Variants in SEMA6D observed in about 807,000 individuals in gnomAD.
SEMA6D encodes the protein semaphorin 6D.
A neutral mutation model predicts 106.6 loss-of-function variants in SEMA6D; 35 were observed. The ratio of observed to expected loss-of-function variants is 0.33; its 90% CI spans 0.25 to 0.44. The LOEUF is 0.44. SEMA6D is among the 20% of genes least tolerant of loss of function. The pLI, the probability that SEMA6D is intolerant of heterozygous loss-of-function variation, is 1.00. For synonymous variants in SEMA6D, 499 were observed against 487.7 expected, an observed-to-expected ratio of 1.02 and a Z score of -0.31; for missense variants, 1,185 against 1,345.9, an observed-to-expected ratio of 0.88 and a Z score of 1.87.
At chr15:47,322,984 A>G (rs28397592) in intron 1 of SEMA6D, among the ~76,000 whole-genome samples, 14 of 152,208 alleles carry the variant, frequency 9.2e-5, no homozygotes, top group Non-Finnish European at 1.5e-4. Context: ...TTGTCCATCT[A>G]TGTATCTACC....
chr15:47,326,140 C>T (rs552183473), intron 1 of SEMA6D, among the ~76,000 whole-genome samples: 60 of 152,236 alleles, frequency 3.9e-4, no homozygotes, highest in African/African-American at 1.3e-3. Flanking sequence ...ATTACCGAGA[C>T]GGATTCTCTA....
intron 4 of SEMA6D, among the ~76,000 whole-genome samples, chr15:47,639,106 C>A (rs78386773): frequency 6.6e-6 from 1 of 152,280 alleles, no homozygotes; most frequent in African/African-American, 2.4e-5. Context: ...TACATGCCCT[C>A]TAAGGCTCAA....
intron 2 of SEMA6D, among the ~76,000 whole-genome samples, chr15:47,457,159 C>A (rs916402048): frequency 6.6e-6 from 1 of 151,942 alleles, no homozygotes; most frequent in Non-Finnish European, 1.5e-5. Flanking sequence ...CTGCTCTGGT[C>A]TTCTATAACA....
intron 3 of SEMA6D, among the ~76,000 whole-genome samples, chr15:47,518,655 A>G (rs1351397440): frequency 6.6e-6 from 1 of 152,204 alleles, no homozygotes; most frequent in African/African-American, 2.4e-5. Context: ...TGGATAAAAA[A>G]TGATATACCT....
intron 1 of SEMA6D, among the ~76,000 whole-genome samples, chr15:47,263,083 C>T (rs1262421257): frequency 2.6e-5 from 4 of 152,044 alleles, no homozygotes; most frequent in Admixed American, 2.6e-4. Flanking sequence ...AAACCCAAAA[C>T]TATAAAAACC....
intron 1 of SEMA6D, among the ~76,000 whole-genome samples, chr15:47,397,276 C>A (rs929847238): frequency 1.3e-5 from 2 of 152,120 alleles, no homozygotes; most frequent in Non-Finnish European, 2.9e-5. Flanking sequence ...GCTAGAAATA[C>A]CAATCAGAAA....
intron 4 of SEMA6D, among the ~76,000 whole-genome samples, chr15:47,613,799 C>G (rs532959945): frequency 8.6e-5 from 13 of 152,038 alleles, no homozygotes; most frequent in Non-Finnish European, 1.9e-4. Context: ...GGATTACAGG[C>G]GCCCGCCACC....
chr15:47,290,777 T>C (rs2035564037), intron 1 of SEMA6D, among the ~76,000 whole-genome samples: 1 of 152,162 alleles, frequency 6.6e-6, no homozygotes, highest in South Asian at 2.1e-4. Flanking sequence ...GTTAGTCTTC[T>C]CTCCAATACA....
intron 2 of SEMA6D, among the ~76,000 whole-genome samples, chr15:47,420,773 A>G (rs550406259): frequency 6.6e-5 from 10 of 152,294 alleles, no homozygotes; most frequent in African/African-American, 1.9e-4. Flanking sequence ...CTATGGGACT[A>G]TAATAAAATG....
chr15:47,760,980 A>T lies in SEMA6D; in HGVS notation c.224A>T (p.Asp75Val). The change falls in exon 4 of 19, where the codon GAT becomes GTT. Residue 75 changes from aspartate to valine, a missense_variant and splice_region_variant. Physicochemically the swap from Asp to Val is radical, Grantham distance 152. This residue lies in a region of SEMA6D where 144 missense variants were observed against 138.6 expected (regional missense o/e 1.04). Transcript: ENST00000536845. ...TTTTATTGCCTTATTTCCAACAGGGATCAAGTTTATACAGTAAACTTAAAT... is the reference window on the plus strand; with the variant it reads ...TTTTATTGCCTTATTTCCAACAGGGTTCAAGTTTATACAGTAAACTTAAAT... ...IRDTLYIAGR[D>V]QVYTVNLNEM... The T allele has an allele frequency of 1.2e-6, 2 of 1,612,386 alleles. No homozygotes were observed. The highest frequency in any genetic ancestry group is 1.7e-6 in the Non-Finnish European group (2 of 1,178,988).
rs3050479 is a variant in SEMA6D, at chr15:47,254,331, GTA to G, written c.-239+69934_-239+69935del. 6.0e-4 allele frequency among the ~76,000 whole-genome samples: 83 copies of G among 139,250 alleles called. 1 individual carries two copies. The highest frequency in any genetic ancestry group is 3.8e-3 in the Middle Eastern group (1 of 264). The allele number at this position is 139,250 out of a possible 152,430, so 91.4% of individuals were successfully genotyped here. On this transcript the variant is annotated intron_variant, in intron 1 of 19. Transcript: ENST00000558014. ...TATATGTATATATATGTGTGTGTGTGTATATATATATATATATATATAAATGA... is the reference window on the plus strand; with the variant it reads ...TATATGTATATATATGTGTGTGTGTGTATATATATATATATATATAAATGA...
At chr15:47,550,755 A>T (rs1307416197) in intron 3 of SEMA6D, among the ~76,000 whole-genome samples, 1 of 152,126 alleles carries the variant, frequency 6.6e-6, no homozygotes, top group East Asian at 1.9e-4. Context: ...ATTTTTCAAG[A>T]GGTACATGCT....
intron 1 of SEMA6D, among the ~76,000 whole-genome samples, chr15:47,366,537 G>A (rs1039768589): frequency 6.6e-6 from 1 of 152,182 alleles, no homozygotes; most frequent in African/African-American, 2.4e-5. Context: ...CTATATTTGA[G>A]GTATGCATAG....
intron 4 of SEMA6D, among the ~76,000 whole-genome samples, chr15:47,669,825 GACCTGGACTTGAAGCTGAAGTCTA>G (rs2078105108): frequency 6.6e-6 from 1 of 152,148 alleles, no homozygotes; most frequent in Admixed American, 6.5e-5. Context: ...CTTGAAGTCT[GACCTGGACTTGAAGCTGAAGTCTA>G]ACGCTTAGCA....
chr15:47,642,624 A>G (rs995168972), intron 4 of SEMA6D, among the ~76,000 whole-genome samples: 6 of 152,168 alleles, frequency 3.9e-5, no homozygotes, highest in Non-Finnish European at 8.8e-5. Flanking sequence ...AGGGGTCAGA[A>G]GACCTGGAGT....
chr15:47,451,639 A>T (rs1040647806), intron 2 of SEMA6D, among the ~76,000 whole-genome samples: 3 of 151,946 alleles, frequency 2.0e-5, no homozygotes, highest in Admixed American at 1.3e-4. Context: ...TGGTCTGAAA[A>T]TTTTATTTAG....
intron 4 of SEMA6D, among the ~76,000 whole-genome samples, chr15:47,697,521 T>C (rs146844322): frequency 3.9e-5 from 6 of 152,318 alleles, no homozygotes; most frequent in East Asian, 3.9e-4. Context: ...CTAGTACTTA[T>C]TGAATTCCAA....
chr15:47,496,992 A>G (rs986890593), intron 3 of SEMA6D, among the ~76,000 whole-genome samples: 4 of 151,952 alleles, frequency 2.6e-5, no homozygotes, highest in African/African-American at 9.7e-5. Flanking sequence ...CAAAATCTCA[A>G]CTATGATTTT....
chr15:47,650,914 A>G (rs1170278467), intron 4 of SEMA6D, among the ~76,000 whole-genome samples: 1 of 152,212 alleles, frequency 6.6e-6, no homozygotes, highest in African/African-American at 2.4e-5. Flanking sequence ...ATCACACTGC[A>G]TCATTGATTC....
Sources: gnomAD v4.1 joint callset for allele counts (sites outside exome capture counted in the v4.1 genomes callset) on GRCh38, gnomAD v4.1.1 for gene constraint, gnomAD v4.1.1 regional missense constraint, MANE v1.5 for transcripts, NCBI Gene and HGNC (gene_info 2026-07-23, HGNC 2026-07-21) for gene names.